The following SOS2 variants were observed in gnomAD, a reference collection of about 807,000 sequenced individuals.
SOS2 encodes son of sevenless homolog 2.
Under a neutral mutation model 148.2 loss-of-function variants are expected in SOS2, and 65 were observed. The ratio of observed to expected loss-of-function variants is 0.44; its 90% CI spans 0.36 to 0.54. SOS2 has a LOEUF of 0.54. Ranked by LOEUF, SOS2 falls within the 20% of genes least tolerant of loss-of-function variation. The pLI is 0.00. For missense variants in SOS2, 1,341 were observed against 1,590.2 expected, an observed-to-expected ratio of 0.84 and a Z score of 2.67; for synonymous variants, 539 against 537.1, an observed-to-expected ratio of 1.00 and a Z score of -0.05.
At chr14:50,127,796 T>C (rs1350873178) in intron 21 of SOS2, among the ~76,000 whole-genome samples, 1 of 152,200 alleles carries the variant, frequency 6.6e-6, no homozygotes, top group Non-Finnish European at 1.5e-5. Context: ...ACATCTAGAA[T>C]AGTGCCTGCA....
chr14:50,132,715 G>A (rs1322981205), intron 19 of SOS2, among the ~76,000 whole-genome samples: 5 of 151,978 alleles, frequency 3.3e-5, no homozygotes, highest in East Asian at 1.9e-4. Flanking sequence ...TTTTTAGGAC[G>A]CTCAAGGCAT....
chr14:50,200,766 A>G (rs1886460757), intron 3 of SOS2, among the ~76,000 whole-genome samples, 187 bp downstream of exon 3: 1 of 152,174 alleles, frequency 6.6e-6, no homozygotes, highest in South Asian at 2.1e-4. Flanking sequence ...AAGCAATCCA[A>G]TTTCACCAGA....
rs766782201 is a variant in SOS2, at chr14:50,130,478, A to G, written c.3337+23T>C. ...GAGACACAGGATTCCTTTTTTACCA[A>G]GCGGTTTACATCAAATACTTACCAC... On this transcript the variant is annotated intron_variant, in intron 20 of 22. Transcript: ENST00000216373. The G allele has an allele frequency of 8.8e-6, 14 of 1,591,916 alleles. No individual in the cohort carries two copies. In the South Asian group the frequency reaches 1.6e-4, roughly 18 times the overall value.
At chr14:50,121,173 A>G (rs1279307757) in intron 21 of SOS2, among the ~76,000 whole-genome samples, 1 of 152,204 alleles carries the variant, frequency 6.6e-6, no homozygotes, top group Non-Finnish European at 1.5e-5. Flanking sequence ...GATAATGTAC[A>G]CGTTATATAA....
chr14:50,168,601 G>T (rs1885243388), intron 8 of SOS2, among the ~76,000 whole-genome samples: 1 of 152,108 alleles, frequency 6.6e-6, no homozygotes, highest in Non-Finnish European at 1.5e-5. Flanking sequence ...AGTTGTAGGA[G>T]TTCTTTATGT....
chr14:50,129,091 T>C (rs748608696), intron 21 of SOS2, among the ~76,000 whole-genome samples: 5 of 152,332 alleles, frequency 3.3e-5, no homozygotes, highest in Middle Eastern at 3.4e-3. Flanking sequence ...TGAGTTATTT[T>C]GTTTTAAACA....
chr14:50,231,651 C>G (rs999922300), upstream of SOS2: 1 of 160,524 alleles, frequency 6.2e-6, no homozygotes, highest in African/African-American at 2.4e-5. Context: ...CGCCCCGACT[C>G]CCGCTACGGC....
At chr14:50,176,043 G>T (rs1202807424) in intron 7 of SOS2, among the ~76,000 whole-genome samples, 1 of 152,224 alleles carries the variant, frequency 6.6e-6, no homozygotes, top group Admixed American at 6.5e-5. Context: ...CAATGCAACA[G>T]TATTAAGAGA....
intron 8 of SOS2, among the ~76,000 whole-genome samples, chr14:50,170,812 A>G (rs1042074242): frequency 1.6e-5 from 2 of 127,234 alleles, no homozygotes; most frequent in African/African-American, 3.1e-5. Flanking sequence ...GACTATTATT[A>G]AAAAAAAAAA....
chr14:50,199,463 T>A (rs1425029745), intron 4 of SOS2, among the ~76,000 whole-genome samples: 1 of 151,966 alleles, frequency 6.6e-6, no homozygotes, highest in Non-Finnish European at 1.5e-5. Context: ...GCCTTGGATG[T>A]TTTTTTTCTT....
rs539432390 is a variant in SOS2, at chr14:50,118,737, A to G, written c.3606T>C (p.Ser1202=). ...GATCTCTTGGTGGTGGCGGAGGTGGACTATGCAGAGGCCCATCAAATGCAC... is the reference window on the plus strand; with the variant it reads ...GATCTCTTGGTGGTGGCGGAGGTGGGCTATGCAGAGGCCCATCAAATGCAC... ...PTGAFDGPLH[S]PPPPPPRDPL... The change falls in exon 23 of 23, where the codon AGT becomes AGC. Residue 1202 remains serine (S), a synonymous_variant. Coordinates refer to ENST00000216373, the MANE Select transcript of SOS2 (RefSeq NM_006939.4). 8.1e-6 allele frequency: 13 copies of G among 1,612,768 alleles called. No individual in the cohort carries two copies. In the African/African-American group the frequency reaches 1.3e-4, roughly 17 times the overall value.
At position 50,145,343 on chromosome 14, in the gene SOS2, C is replaced by A. The variant is rs769210571; in HGVS notation, c.2505-11G>T. ...GCTTCCACAATGCATCTAACAACAA[C>A]AAAAATTCATGGCTTAGAAAAGTTT... is the stretch of plus-strand genomic sequence containing the variant. On this transcript the variant is annotated splice_polypyrimidine_tract_variant and intron_variant, in intron 15 of 22. Coordinates refer to ENST00000216373, the MANE Select transcript of SOS2 (RefSeq NM_006939.4). 6.3e-7 allele frequency: 1 copy of A among 1,590,090 alleles called. No homozygotes were observed. The highest frequency in any genetic ancestry group is 8.5e-7 in the Non-Finnish European group (1 of 1,171,886).
chr14:50,184,602 AAG>A (rs1283022218), intron 5 of SOS2, among the ~76,000 whole-genome samples: 1 of 152,090 alleles, frequency 6.6e-6, no homozygotes, highest in African/African-American at 2.4e-5. Flanking sequence ...TCATGAGAAA[AAG>A]AAAAAGGATC....
chr14:50,171,151 G>A (rs888520849), intron 8 of SOS2, among the ~76,000 whole-genome samples: 9 of 152,030 alleles, frequency 5.9e-5, no homozygotes, highest in African/African-American at 1.9e-4. Flanking sequence ...AATTAACACG[G>A]TTTGGTAAAG....
In SOS2 at chr14:50,231,518, C is replaced by T. The variant is rs1374365769; in HGVS notation, c.-235G>A. The stretch of plus-strand genomic sequence containing the variant: ...AGCGCCCGCAGAGGAAGCGCGGCGA[C>T]CCGCAAGCCCGGGCGACCCCGGGCG... On this transcript the variant is annotated 5_prime_UTR_variant, in exon 1 of 23. Transcript: ENST00000216373. 1 of 151,554 alleles carries T rather than the reference C, an allele frequency of 6.6e-6. No homozygotes were observed. Among genetic ancestry groups the T allele is most frequent in the Non-Finnish European group, 1.5e-5 (1 of 67,930 alleles). 9.4% of individuals were successfully genotyped at this position (151,554 alleles called of 1,614,324 possible).
intron 1 of SOS2, among the ~76,000 whole-genome samples, chr14:50,210,734 C>G (rs1037148667): frequency 6.6e-6 from 1 of 151,226 alleles, no homozygotes; most frequent in African/African-American, 2.4e-5. Context: ...GGCAAAAAAC[C>G]CTTAAACTAG....
In SOS2 at chr14:50,145,398, A is replaced by G. The variant is rs1341316784; in HGVS notation, c.2505-66T>C. The G allele has an allele frequency of 1.6e-5, 25 of 1,559,350 alleles. 1 individual carries two copies. In the East Asian group the frequency reaches 2.3e-4, roughly 14 times the overall value. ...ACCTCACTTAGAAAACAAGATAATT[A>G]TGAGTAGCCAGAATTTTAGCTTAAA... On this transcript the variant is annotated intron_variant, in intron 15 of 22. Coordinates refer to ENST00000216373, the MANE Select transcript of SOS2 (RefSeq NM_006939.4).
chr14:50,207,411 T>C (rs1347058604), intron 1 of SOS2, among the ~76,000 whole-genome samples: 1 of 151,986 alleles, frequency 6.6e-6, no homozygotes, highest in East Asian at 1.9e-4. Flanking sequence ...CTCAGAAGGC[T>C]AAAGCAAAAG....
chr14:50,141,289 G>A (rs1884275576), intron 16 of SOS2, among the ~76,000 whole-genome samples: 1 of 151,476 alleles, frequency 6.6e-6, no homozygotes, highest in African/African-American at 2.4e-5. Context: ...AGATGTTGGG[G>A]TGGGAGAATA....
Sources: allele counts gnomAD v4.1 joint callset (sites outside exome capture counted in the v4.1 genomes callset), GRCh38; gene constraint gnomAD v4.1.1; transcripts MANE v1.5; gene names NCBI Gene and HGNC (gene_info 2026-07-23, HGNC 2026-07-21).